ZNF568: variants seen among roughly 807,000 people sequenced by gnomAD.
The protein encoded by ZNF568 is p53 inhibitor of SCO2 activation.
In ZNF568, 11 loss-of-function variants were observed where a neutral mutation model predicts 18.1. The observed-to-expected ratio is 0.61, with a 90% CI of 0.38 to 1.00. The LOEUF (loss-of-function observed/expected upper bound fraction) is 1.00, where lower values mean the gene tolerates loss of function less well. ZNF568 is among the 50% of genes least tolerant of loss of function. The pLI is 0.01. For synonymous variants in ZNF568, 213 were observed against 246.6 expected (o/e 0.86, Z 1.28); for missense variants, 639 against 768.2 (o/e 0.83, Z 1.99).
In ZNF568 at chr19:36,960,110, C is replaced by CTTTT. The variant is rs34588591; in HGVS notation, c.359-14291_359-14288dup. 6.3e-3 allele frequency among the ~76,000 whole-genome samples: 549 copies of CTTTT among 87,664 alleles called. 29 individuals carry two copies. The highest frequency in any genetic ancestry group is 7.7e-3 in the Non-Finnish European group (354 of 46,142). The allele number at this position is 87,664 out of a possible 152,430, so 57.5% of individuals were successfully genotyped here. ...AGAGTGTTAATTTGTAATTGTTCTA[C>CTTTT]TTTTTTTTTTTTTTTTTTTTTTGAG... On this transcript the variant is annotated intron_variant, in intron 6 of 7. Coordinates refer to the ZNF568 transcript ENST00000427117.
downstream of ZNF568, among the ~76,000 whole-genome samples, chr19:36,954,974 G>A (rs2074096618): frequency 6.6e-6 from 1 of 151,830 alleles, no homozygotes; most frequent in Admixed American, 6.6e-5. Flanking sequence ...GCGCCTCCTG[G>A]GTTCAAGTGA....
downstream of ZNF568, among the ~76,000 whole-genome samples, chr19:36,984,902 C>T (rs552449038): frequency 6.6e-6 from 1 of 151,790 alleles, no homozygotes; most frequent in East Asian, 1.9e-4. Flanking sequence ...GTGTGATTGT[C>T]TAGGCATGGA....
chr19:36,982,819 A>G (rs2074342703), downstream of ZNF568, among the ~76,000 whole-genome samples: 1 of 152,172 alleles, frequency 6.6e-6, no homozygotes, highest in African/African-American at 2.4e-5. Flanking sequence ...ATTGGGAAAA[A>G]CCTAACTTAG....
At chr19:36,967,441 T>C (rs1311677275) in intron 6 of ZNF568, among the ~76,000 whole-genome samples, 1 of 152,102 alleles carries the variant, frequency 6.6e-6, no homozygotes, top group African/African-American at 2.4e-5. Flanking sequence ...CAGGTGCCTG[T>C]AATCCCAGCT....
chr19:36,936,808 AC>A lies in ZNF568; in HGVS notation c.200del (p.Pro67LeufsTer10). Reference protein sequence around the residue: ...LTQEEWEQMKPAQRNLYRDVM... With the variant: ...LTQEEWEQMKXAQRNLYRDVM... ...CCCAGGAGGAGTGGGAGCAAATGAA[AC>A]CTGCTCAAAGAAACTTGTATCGAGA... On this transcript the variant is annotated frameshift_variant, in exon 5 of 7. Transcript: ENST00000333987. LOFTEE classifies it high-confidence loss of function. The A allele has an allele frequency of 6.2e-7, 1 of 1,614,028 alleles. No individual in the cohort carries two copies. Among genetic ancestry groups the A allele is most frequent in the Non-Finnish European group, 8.5e-7 (1 of 1,179,908 alleles).
chr19:36,927,352 G>A (rs1444284855), intron 4 of ZNF568, among the ~76,000 whole-genome samples: 1 of 151,872 alleles, frequency 6.6e-6, no homozygotes, highest in African/African-American at 2.4e-5. Flanking sequence ...TAATCCAACT[G>A]GATTATAATA....
intron 6 of ZNF568, 145 bp downstream of exon 6, chr19:36,937,387 T>C: frequency 1.7e-6 from 1 of 582,072 alleles, no homozygotes. Context: ...TTTAGATTAC[T>C]GTGACATTTC....
intron 4 of ZNF568, among the ~76,000 whole-genome samples, chr19:36,927,887 TTA>T (rs1420036962): frequency 2.4e-3 from 95 of 39,038 alleles, no homozygotes; most frequent in South Asian, 8.9e-3. Flanking sequence ...TATATATATA[TTA>T]TATATATATA....
downstream of ZNF568, among the ~76,000 whole-genome samples, chr19:36,957,309 G>A (rs1056860891): frequency 7.4e-6 from 1 of 134,270 alleles, no homozygotes; most frequent in African/African-American, 2.8e-5. Flanking sequence ...TCGGCTCACT[G>A]CAATCTCTGC....
intron 6 of ZNF568, among the ~76,000 whole-genome samples, chr19:36,947,132 C>A (rs190819396): frequency 3.3e-5 from 5 of 152,282 alleles, no homozygotes; most frequent in Non-Finnish European, 1.5e-5. Context: ...TCTCCTGCCT[C>A]AGCCTCCTGT....
At chr19:36,934,573 C>T (rs892898766) in intron 4 of ZNF568, among the ~76,000 whole-genome samples, 1 of 152,146 alleles carries the variant, frequency 6.6e-6, no homozygotes, top group African/African-American at 2.4e-5. Flanking sequence ...CCGCCTGCCT[C>T]GGCCTTCCAG....
chr19:36,931,796 G>A (rs2073691013), intron 4 of ZNF568, among the ~76,000 whole-genome samples: 1 of 152,042 alleles, frequency 6.6e-6, no homozygotes, highest in Non-Finnish European at 1.5e-5. Flanking sequence ...GGTTTTTAGT[G>A]TATTCACAGA....
chr19:36,984,451 A>G (rs539066551), downstream of ZNF568, among the ~76,000 whole-genome samples: 1 of 152,290 alleles, frequency 6.6e-6, no homozygotes, highest in African/African-American at 2.4e-5. Flanking sequence ...TTCTTGGTAA[A>G]TAAGGAAGTA....
chr19:36,949,200 C>T (rs2074016524), intron 6 of ZNF568, among the ~76,000 whole-genome samples: 1 of 152,156 alleles, frequency 6.6e-6, no homozygotes, highest in South Asian at 2.1e-4. Context: ...CCCTATCAGT[C>T]ATTTTTGTGT....
At chr19:36,921,434 C>T (rs1253710989) in intron 2 of ZNF568, among the ~76,000 whole-genome samples, 2 of 151,074 alleles carry the variant, frequency 1.3e-5, no homozygotes, top group South Asian at 2.1e-4. Flanking sequence ...GCACTCCAGC[C>T]TGGGCAACAA....
In ZNF568 at chr19:36,972,650, G is replaced by A. The variant is rs566954003; in HGVS notation, c.359-1770G>A. Among the ~76,000 whole-genome samples, 5 of 149,994 alleles carry A rather than the reference G, an allele frequency of 3.3e-5. No individual in the cohort carries two copies. The South Asian group carries it at 1.1e-3, about 32-fold the overall frequency. Reference sequence around the variant, plus strand: ...TTTATCGGGATTGTGGCCCAGGTCAGTGAAGCCCCAGGTCCGGGCCGACTC... The same window carrying A: ...TTTATCGGGATTGTGGCCCAGGTCAATGAAGCCCCAGGTCCGGGCCGACTC... On this transcript the variant is annotated intron_variant, in intron 6 of 7. Transcript: ENST00000427117.
At chr19:36,982,316 G>A (rs1281766790), downstream of ZNF568, among the ~76,000 whole-genome samples, 2 of 152,078 alleles carry the variant, frequency 1.3e-5, no homozygotes, top group South Asian at 4.1e-4. Flanking sequence ...TCCTTTATCA[G>A]GTTAGGGACG....
At chr19:36,982,621 G>A (rs1007663829), downstream of ZNF568, among the ~76,000 whole-genome samples, 5 of 152,040 alleles carry the variant, frequency 3.3e-5, no homozygotes, top group Admixed American at 6.5e-5. Flanking sequence ...CAGGAGAATC[G>A]CTTGAACCTG....
chr19:36,997,565 G>A, downstream of ZNF568: 2 of 1,583,752 alleles, frequency 1.3e-6, no homozygotes, highest in Admixed American at 1.8e-5. Flanking sequence ...AAGGAGTGTG[G>A]GAAGCCCTTT....
Sources: gnomAD v4.1 joint callset for allele counts (sites outside exome capture counted in the v4.1 genomes callset) on GRCh38, gnomAD v4.1.1 for gene constraint, MANE v1.5 for transcripts, NCBI Gene and HGNC (gene_info 2026-07-23, HGNC 2026-07-21) for gene names.